PRKG1: variants seen among roughly 807,000 people sequenced by gnomAD.
PRKG1 encodes protein kinase cGMP-dependent 1.
PRKG1 carries 35 observed loss-of-function variants against 88.1 expected under a neutral mutation model. That is an observed-to-expected ratio of 0.40 (90% CI 0.30 to 0.53). PRKG1 has a LOEUF of 0.53. PRKG1 is among the 20% of genes least tolerant of loss of function. The probability of loss-of-function intolerance (pLI) is 0.59; values close to 1 mark genes in which losing one functional copy is unlikely to be tolerated. For missense variants in PRKG1, 540 were observed against 839.8 expected, an observed-to-expected ratio of 0.64 and a Z score of 4.41; for synonymous variants, 303 against 292.5, an observed-to-expected ratio of 1.04 and a Z score of -0.37.
chr10:52,131,688 A>G (rs1240486639), intron 7 of PRKG1, among the ~76,000 whole-genome samples: 4 of 151,764 alleles, frequency 2.6e-5, no homozygotes, highest in Non-Finnish European at 5.9e-5. Context: ...CTCTGCTAAA[A>G]ATACAAAAAT....
chr10:51,831,121 T>C (rs1413714718), intron 4 of PRKG1, among the ~76,000 whole-genome samples: 1 of 152,150 alleles, frequency 6.6e-6, no homozygotes, highest in Non-Finnish European at 1.5e-5. Flanking sequence ...CTTTGATATG[T>C]GGCAATTCCC....
chr10:51,726,951 T>C (rs1032384519), intron 3 of PRKG1, among the ~76,000 whole-genome samples: 15 of 151,884 alleles, frequency 9.9e-5, no homozygotes, highest in African/African-American at 3.1e-4. Context: ...TCATTTTTTT[T>C]TGTATTTTTA....
At chr10:51,348,225 C>G (rs937584047) in intron 2 of PRKG1, among the ~76,000 whole-genome samples, 5 of 152,150 alleles carry the variant, frequency 3.3e-5, no homozygotes, top group African/African-American at 1.2e-4. Context: ...CAAGTTTACT[C>G]TGTACCTTAC....
intron 5 of PRKG1, among the ~76,000 whole-genome samples, chr10:52,034,516 G>A (rs10823988): frequency 0.65 from 97,848 of 151,298 alleles, 32,338 homozygotes; most frequent in South Asian, 0.74. Context: ...AGAAAAACAG[G>A]TATAAAAGGT....
At chr10:51,209,996 C>T (rs1838169102) in intron 2 of PRKG1, among the ~76,000 whole-genome samples, 1 of 152,052 alleles carries the variant, frequency 6.6e-6, no homozygotes, top group Non-Finnish European at 1.5e-5. Flanking sequence ...AAAACCTCTT[C>T]CCAACCCTTT....
At chr10:51,387,969 T>A (rs1588904355) in intron 2 of PRKG1, among the ~76,000 whole-genome samples, 1 of 152,230 alleles carries the variant, frequency 6.6e-6, no homozygotes, top group East Asian at 1.9e-4. Flanking sequence ...AAATTAAGAA[T>A]GTCAGCTTTG....
chr10:51,952,311 C>T (rs910439783), intron 5 of PRKG1, among the ~76,000 whole-genome samples: 1 of 152,130 alleles, frequency 6.6e-6, no homozygotes, highest in African/African-American at 2.4e-5. Context: ...GTTAAGTATC[C>T]AAATGTGCAT....
At chr10:51,796,824 G>C (rs1437613608) in intron 3 of PRKG1, among the ~76,000 whole-genome samples, 1 of 151,960 alleles carries the variant, frequency 6.6e-6, no homozygotes, top group Non-Finnish European at 1.5e-5. Flanking sequence ...TACAGGAAAG[G>C]CAAATTTGAT....
intron 5 of PRKG1, among the ~76,000 whole-genome samples, chr10:51,975,325 T>C (rs1326842848): frequency 6.6e-6 from 1 of 152,048 alleles, no homozygotes; most frequent in Non-Finnish European, 1.5e-5. Context: ...AGCCTTCGCA[T>C]GGTCCATTAT....
At chr10:51,660,412 G>A (rs1462614789) in intron 3 of PRKG1, among the ~76,000 whole-genome samples, 1 of 151,520 alleles carries the variant, frequency 6.6e-6, no homozygotes, top group Non-Finnish European at 1.5e-5. Context: ...GGAAATGATG[G>A]GCCATAAAGT....
intron 6 of PRKG1, among the ~76,000 whole-genome samples, chr10:52,055,417 G>T (rs1846087225): frequency 6.6e-6 from 1 of 151,888 alleles, no homozygotes; most frequent in Non-Finnish European, 1.5e-5. Flanking sequence ...GTAAAAATGG[G>T]GTAGACAAGG....
intron 7 of PRKG1, among the ~76,000 whole-genome samples, chr10:52,087,429 A>C (rs1217660298): frequency 1.3e-5 from 2 of 152,178 alleles, no homozygotes; most frequent in Non-Finnish European, 2.9e-5. Flanking sequence ...TTTGAGAAAT[A>C]TTCCACATAT....
intron 1 of PRKG1, among the ~76,000 whole-genome samples, chr10:51,066,336 T>C (rs908692118): frequency 1.3e-5 from 2 of 152,118 alleles, no homozygotes; most frequent in Non-Finnish European, 2.9e-5. Context: ...TAATCCTTCC[T>C]GTAGGCACCA....
Position 51,612,123 on chromosome 10 carries a change from CT to C in PRKG1, c.592+144294del, listed in dbSNP as rs1429997631. On this transcript the variant is annotated intron_variant, in intron 3 of 17. Coordinates refer to ENST00000373980, the MANE Select transcript of PRKG1 (RefSeq NM_006258.4). ...TGGGATTGCTTTGGCAATTCTGGCT[CT>C]TTTTTTCATTTCATAAACATTTGAA... Among the ~76,000 whole-genome samples, 6 of 151,878 alleles carry C rather than the reference CT, an allele frequency of 4.0e-5. No individual in the cohort carries two copies. In the East Asian group the frequency reaches 1.2e-3, roughly 29 times the overall value.
At chr10:51,538,498 T>A (rs1362959741) in intron 3 of PRKG1, among the ~76,000 whole-genome samples, 1 of 148,472 alleles carries the variant, frequency 6.7e-6, no homozygotes, top group Non-Finnish European at 1.5e-5. Context: ...TTCATGATAT[T>A]CTTTTTCATC....
chr10:52,240,359 C>A (rs1425031214), intron 9 of PRKG1, among the ~76,000 whole-genome samples: 1 of 152,066 alleles, frequency 6.6e-6, no homozygotes, highest in Non-Finnish European at 1.5e-5. Flanking sequence ...AAACACTTGT[C>A]AAGTATTTCT....
intron 5 of PRKG1, among the ~76,000 whole-genome samples, chr10:52,023,426 T>A (rs1287485162): frequency 2.0e-5 from 3 of 152,218 alleles, no homozygotes; most frequent in Non-Finnish European, 4.4e-5. Flanking sequence ...TTTGGGTGTA[T>A]ACCCAGTAAT....
intron 4 of PRKG1, among the ~76,000 whole-genome samples, chr10:51,893,124 G>T (rs187496679): frequency 6.6e-6 from 1 of 152,176 alleles, no homozygotes; most frequent in African/African-American, 2.4e-5. Flanking sequence ...TGTGTGATTA[G>T]TGCCTCACTT....
At chr10:51,384,329 G>A (rs1837193153) in intron 2 of PRKG1, among the ~76,000 whole-genome samples, 5 of 152,146 alleles carry the variant, frequency 3.3e-5, no homozygotes, top group South Asian at 4.1e-4. Flanking sequence ...TTATCCCCAA[G>A]GACACTAAAA....
Sources: gnomAD v4.1 joint callset for allele counts (sites outside exome capture counted in the v4.1 genomes callset) on GRCh38, gnomAD v4.1.1 for gene constraint, MANE v1.5 for transcripts, NCBI Gene and HGNC (gene_info 2026-07-23, HGNC 2026-07-21) for gene names.